The following SAV1 variants were observed in gnomAD, a reference collection of about 807,000 sequenced individuals.
SAV1 encodes the protein protein salvador homolog 1.
SAV1 carries 23 observed loss-of-function variants against 47.3 expected under a neutral mutation model. The observed-to-expected ratio is 0.49, with a 90% CI of 0.35 to 0.69. The LOEUF is 0.69. Ranked by LOEUF, SAV1 falls within the 30% of genes least tolerant of loss-of-function variation. SAV1 has a pLI of 0.01. For synonymous variants in SAV1, 155 were observed against 159.2 expected, an observed-to-expected ratio of 0.97 and a Z score of 0.20; for missense variants, 448 against 457.4, an observed-to-expected ratio of 0.98 and a Z score of 0.19.
At chr14:50,637,638 G>GA (rs1457972134) in intron 4 of SAV1, 3 of 132,900 alleles carry the variant, frequency 2.3e-5, no homozygotes, top group Non-Finnish European at 3.2e-5. Flanking sequence ...TCTAAAGGAA[G>GA]AAAAAATCTT....
At chr14:50,653,360 C>G (rs539368599) in intron 2 of SAV1, among the ~76,000 whole-genome samples, 9 of 152,248 alleles carry the variant, frequency 5.9e-5, no homozygotes, top group Admixed American at 2.6e-4. Flanking sequence ...GCATTCAACC[C>G]TTCTTTCCTA....
chr14:50,654,336 T>A (rs764579158), intron 2 of SAV1, among the ~76,000 whole-genome samples: 2 of 152,140 alleles, frequency 1.3e-5, no homozygotes, highest in African/African-American at 2.4e-5. Flanking sequence ...TCACCAGGAG[T>A]ATATTCTATC....
At position 50,644,833 on chromosome 14, in the gene SAV1, T is replaced by A; in HGVS notation, c.717A>T (p.Gly239=). Reference sequence around the variant, plus strand: ...ATTCGGATGACTCAACTCGTTCCCATCCAGGAGGAAGTCCTTCTCGCTCAA... The same window carrying A: ...ATTCGGATGACTCAACTCGTTCCCAACCAGGAGGAAGTCCTTCTCGCTCAA... ...HPLEREGLPP[G]WERVESSEFG... The change falls in exon 3 of 5, where the codon GGA becomes GGT. Residue 239 remains glycine (G), a synonymous_variant. Coordinates refer to ENST00000324679, the MANE Select transcript of SAV1 (RefSeq NM_021818.4). 6.2e-7 allele frequency: 1 copy of A among 1,614,144 alleles called. No homozygotes were observed. Among genetic ancestry groups the A allele is most frequent in the Non-Finnish European group, 8.5e-7 (1 of 1,180,000 alleles).
chr14:50,644,133 G>T (rs1463868370), intron 3 of SAV1, among the ~76,000 whole-genome samples: 4 of 152,058 alleles, frequency 2.6e-5, no homozygotes, highest in African/African-American at 7.3e-5. Context: ...CACATTCAAG[G>T]GCTCAACAGC....
rs142427957 is a variant in SAV1 at position 50,640,875 on chromosome 14, T to C, written c.825A>G (p.Gln275=). Residue 275 remains glutamine (Q), a synonymous_variant, in exon 4 of 5, where the codon CAA becomes CAG. Coordinates refer to ENST00000324679, the MANE Select transcript of SAV1 (RefSeq NM_021818.4). ...PCAPSVPRYD[Q]PPPVTYQPQQ... is the part of the protein sequence containing the mutation. ...GTGGCTGGTATGTGACAGGAGGTGG[T>C]TGATCATACCGAGGTACACTAAGAA... 37 of 1,612,962 alleles carry C rather than the reference T, an allele frequency of 2.3e-5. No homozygotes were observed. The highest frequency in any genetic ancestry group is 3.3e-5 in the Admixed American group (2 of 59,952).
chr14:50,653,062 T>C (rs1271614335), intron 2 of SAV1, among the ~76,000 whole-genome samples: 1 of 151,598 alleles, frequency 6.6e-6, no homozygotes, highest in South Asian at 2.1e-4. Flanking sequence ...TGAATTGAAA[T>C]TGAGGTACAA....
intron 3 of SAV1, among the ~76,000 whole-genome samples, chr14:50,642,252 C>T (rs116790898): frequency 1.3e-5 from 2 of 151,914 alleles, no homozygotes; most frequent in Admixed American, 6.6e-5. Flanking sequence ...TATCAGGGAC[C>T]GGGCGTGATG....
At chr14:50,640,605 C>T (rs2039672982) in intron 4 of SAV1, 145 bp downstream of exon 4, 1 of 521,584 alleles carries the variant, frequency 1.9e-6, no homozygotes, top group South Asian at 4.5e-5. Context: ...TAAACTATGA[C>T]ATCCTTTATT....
intron 1 of SAV1, chr14:50,667,561 G>A: frequency 4.1e-6 from 2 of 493,736 alleles, no homozygotes; most frequent in South Asian, 1.7e-5. Context: ...TAGGTGATAA[G>A]CAATTTAAAT....
intron 4 of SAV1, chr14:50,637,741 C>A (rs1428993441): frequency 7.1e-6 from 1 of 140,766 alleles, no homozygotes; most frequent in African/African-American, 2.7e-5. Context: ...TGGCTAATCA[C>A]AAGCACAATG....
chr14:50,661,820 ATTGTGGTTACTATAGCCTTAT>A (rs1186767580), intron 2 of SAV1, among the ~76,000 whole-genome samples: 2 of 152,126 alleles, frequency 1.3e-5, no homozygotes, highest in African/African-American at 4.8e-5. Flanking sequence ...ATACCATATT[ATTGTGGTTACTATAGCCTTAT>A]TTGTGGTTAC....
intron 2 of SAV1, among the ~76,000 whole-genome samples, chr14:50,657,015 A>T (rs184063377): frequency 3.3e-4 from 49 of 147,704 alleles, no homozygotes; most frequent in Non-Finnish European, 4.7e-4. Flanking sequence ...ACAGAACACA[A>T]AACACTCACT....
At chr14:50,644,496 T>C (rs1322610527) in intron 3 of SAV1, among the ~76,000 whole-genome samples, 1 of 152,208 alleles carries the variant, frequency 6.6e-6, no homozygotes, top group Non-Finnish European at 1.5e-5. Flanking sequence ...CTGGCATTAC[T>C]ACAGCAGAAT....
Position 50,650,744 on chromosome 14 carries a change from G to A in SAV1, c.536-5730C>T, listed in dbSNP as rs535376765. On this transcript the variant is annotated intron_variant, in intron 2 of 4. Coordinates refer to ENST00000324679, the MANE Select transcript of SAV1 (RefSeq NM_021818.4). ...GAACTTAGAAGCGGATCTTTTGGCCGGGCGCAGTGGCTCACACCTGTAATC... is the reference window on the plus strand; with the variant it reads ...GAACTTAGAAGCGGATCTTTTGGCCAGGCGCAGTGGCTCACACCTGTAATC... Among the ~76,000 whole-genome samples the A allele has an allele frequency of 1.1e-4, 17 of 152,270 alleles. No individual in the cohort carries two copies. The South Asian group carries it at 2.7e-3, about 24-fold the overall frequency.
At position 50,665,427 on chromosome 14, in the gene SAV1, G is replaced by A. The variant is rs1483678813; in HGVS notation, c.287C>T (p.Pro96Leu). The A allele has an allele frequency of 3.7e-6, 6 of 1,613,044 alleles. No homozygotes were observed. The highest frequency in any genetic ancestry group is 5.1e-6 in the Non-Finnish European group (6 of 1,179,480). ...TGCTAGACTTCTGGCAAGATAAGAA[G>A]GTGCAGATAATCTGTTGCTTTCTCT... is the stretch of plus-strand genomic sequence containing the variant. ...MRRESNRLSA[P>L]SYLARSLADV... Residue 96 changes from proline (P) to leucine (L), a missense_variant, in exon 2 of 5, where the codon CCT (proline) becomes CTT (leucine). Transcript: ENST00000324679.
chr14:50,668,067 C>G lies in SAV1; in HGVS notation c.-100G>C. On this transcript the variant is annotated 5_prime_UTR_variant, in exon 1 of 5. Transcript: ENST00000324679. ...GCCACCTCCGCCGGCGCCGCCGCCT[C>G]CTTCCCTCCCGAGCCGCCGCCTCCG... 1.3e-6 allele frequency: 1 copy of G among 798,628 alleles called. No homozygotes were observed. 49.5% of individuals were successfully genotyped at this position (798,628 alleles called of 1,614,324 possible).
chr14:50,649,176 C>T (rs1188608804), intron 2 of SAV1, among the ~76,000 whole-genome samples: 4 of 152,226 alleles, frequency 2.6e-5, no homozygotes, highest in Non-Finnish European at 5.9e-5. Flanking sequence ...CTTCAAGCCT[C>T]TTCTCAAATG....
At position 50,634,443 on chromosome 14, in the gene SAV1, G is replaced by T. The variant is rs578114555; in HGVS notation, c.*740C>A. The T allele has an allele frequency of 2.8e-5, 6 of 214,208 alleles. No homozygotes were observed. Among genetic ancestry groups the T allele is most frequent in the Non-Finnish European group, 4.9e-5 (5 of 102,510 alleles). 13.3% of individuals were successfully genotyped at this position (214,208 alleles called of 1,614,324 possible). A position where few individuals can be genotyped will look rare whatever the true frequency, so the allele number is the denominator to read the frequency against. On this transcript the variant is annotated 3_prime_UTR_variant, in exon 5 of 5. Coordinates refer to ENST00000324679, the MANE Select transcript of SAV1 (RefSeq NM_021818.4). ...TTGACCCTGCAACCTCTGCCTCTTG[G>T]GCTCAAGCCATCCTCTGACCTCAGC... is the stretch of plus-strand genomic sequence containing the variant.
At chr14:50,657,304 A>G (rs148286940) in intron 2 of SAV1, among the ~76,000 whole-genome samples, 1 of 152,268 alleles carries the variant, frequency 6.6e-6, no homozygotes, top group East Asian at 1.9e-4. Context: ...AAGTGCTGGG[A>G]AATACTCACT....
Sources: gnomAD v4.1 joint callset for allele counts (sites outside exome capture counted in the v4.1 genomes callset) on GRCh38, gnomAD v4.1.1 for gene constraint, MANE v1.5 for transcripts, NCBI Gene and HGNC (gene_info 2026-07-23, HGNC 2026-07-21) for gene names.